The following TTBK1 variants were observed in gnomAD, a reference collection of about 807,000 sequenced individuals.
The protein encoded by TTBK1 is tau tubulin kinase 1, also known as tau-tubulin kinase 1.
A neutral mutation model predicts 108.5 loss-of-function variants in TTBK1; 34 were observed. The ratio of observed to expected loss-of-function variants is 0.31; its 90% CI spans 0.24 to 0.42. The LOEUF is 0.42. Ranked by LOEUF, TTBK1 falls within the 10% of genes least tolerant of loss-of-function variation. The probability of loss-of-function intolerance (pLI) is 1.00; values close to 1 mark genes in which losing one functional copy is unlikely to be tolerated. For missense variants in TTBK1, 1,539 were observed against 1,826.0 expected (o/e 0.84, Z 2.86); for synonymous variants, 809 against 795.1 (o/e 1.02, Z -0.29).
rs1778384059 is a variant in TTBK1 at position 43,286,422 on chromosome 6, C to T, written c.*1046C>T. The T allele has an allele frequency of 6.6e-6, 1 of 152,574 alleles. No individual in the cohort carries two copies. Among genetic ancestry groups the T allele is most frequent in the Non-Finnish European group, 1.5e-5 (1 of 68,052 alleles). The allele number at this position is 152,574 out of a possible 1,614,324, so 9.5% of individuals were successfully genotyped here. On this transcript the variant is annotated 3_prime_UTR_variant, in exon 15 of 15. Transcript: ENST00000259750. This position sits in a 1 kb window ranked among gnomAD's most constrained non-coding sequence, Gnocchi z 4.6. The stretch of plus-strand genomic sequence containing the variant: ...GGCTGGTTACCATCTTTGCACTGGC[C>T]CTTCGGAGATTCGGGGACTCAGTTC...
At position 43,263,210 on chromosome 6, in the gene TTBK1, C is replaced by G. The variant is rs1317231420; in HGVS notation, c.1846C>G (p.Leu616Val). The G allele has an allele frequency of 1.9e-6, 3 of 1,579,912 alleles. No homozygotes were observed. The highest frequency in any genetic ancestry group is 3.4e-4 in the Middle Eastern group (2 of 5,838). Residue 616 changes from leucine (L) to valine (V), a missense_variant, in exon 13 of 15, where the codon CTG becomes GTG. Transcript: ENST00000259750. This position sits in a 1 kb window ranked among gnomAD's most constrained non-coding sequence, Gnocchi z 4.7. ...EDLQHLPPQP[L>V]PPQLSQGDGR... ...CCTGCAGCATTTGCCGCCCCAGCCC[C>G]TGCCACCCCAGCTGAGCCAGGGCGA...
rs1777302869 is a variant in TTBK1 at position 43,253,465 on chromosome 6, G to A, written c.330+101G>A. On this transcript the variant is annotated intron_variant, in intron 4 of 14. Coordinates refer to ENST00000259750, the MANE Select transcript of TTBK1 (RefSeq NM_032538.3). This position sits in a 1 kb window ranked among gnomAD's most constrained non-coding sequence, Gnocchi z 5.8. The stretch of plus-strand genomic sequence containing the variant: ...TAGACTGTGGCCCTGGGAAAGGGCA[G>A]TGGGCACAACCCTTTGGGGTGAGGC... 1 of 1,597,714 alleles carries A rather than the reference G, an allele frequency of 6.3e-7. No individual in the cohort carries two copies. Among genetic ancestry groups the A allele is most frequent in the Non-Finnish European group, 8.5e-7 (1 of 1,170,246 alleles).
At chr6:43,246,358 T>C (rs1412677603) in intron 1 of TTBK1, among the ~76,000 whole-genome samples, 1 of 152,232 alleles carries the variant, frequency 6.6e-6, no homozygotes, top group African/African-American at 2.4e-5. Context: ...CCTCGGCCTG[T>C]TCACTGTCAT....
Position 43,244,401 on chromosome 6 carries a change from G to C in TTBK1, c.-55+693G>C, listed in dbSNP as rs573298972. Among the ~76,000 whole-genome samples, 10 of 152,280 alleles carry C rather than the reference G, an allele frequency of 6.6e-5. No homozygotes were observed. The East Asian group carries it at 1.9e-3, about 29-fold the overall frequency. The stretch of plus-strand genomic sequence containing the variant: ...TCCCACCAGTTCCACGTACCCCTGT[G>C]TACCATCACTGGCCCCACATGCTCC... On this transcript the variant is annotated intron_variant, in intron 1 of 14. Transcript: ENST00000259750.
Position 43,287,444 on chromosome 6 carries a change from A to C in TTBK1, c.*2068A>C, listed in dbSNP as rs1314814637. The C allele has an allele frequency of 1.3e-5, 2 of 152,666 alleles. No individual in the cohort carries two copies. The highest frequency in any genetic ancestry group is 2.9e-5 in the Non-Finnish European group (2 of 68,134). The allele number at this position is 152,666 out of a possible 1,614,324, so 9.5% of individuals were successfully genotyped here. ...AACAACACCCTGGTTTGGAGCTGGG[A>C]GGAAGAAGGGGGCCTGAGAGAGCCC... On this transcript the variant is annotated 3_prime_UTR_variant, in exon 15 of 15. Transcript: ENST00000259750. The surrounding 1 kb of genome is among the most constrained non-coding windows in gnomAD (Gnocchi z 4.1).
chr6:43,270,193 G>T, intron 13 of TTBK1: 1 of 1,330,888 alleles, frequency 7.5e-7, no homozygotes, highest in Non-Finnish European at 9.5e-7. Flanking sequence ...TGCAGGGAGG[G>T]GTGGGGCTGG....
intron 10 of TTBK1, among the ~76,000 whole-genome samples, chr6:43,258,549 C>T (rs1436573923): frequency 2.0e-5 from 3 of 151,888 alleles, no homozygotes; most frequent in East Asian, 1.9e-4. Context: ...CAGTTCCATA[C>T]AGACATTGCT....
chr6:43,244,708 G>C (rs781551403), intron 1 of TTBK1, among the ~76,000 whole-genome samples: 3 of 152,150 alleles, frequency 2.0e-5, no homozygotes, highest in Non-Finnish European at 4.4e-5. Context: ...TAAAATGAGA[G>C]CAGGACACAA....
intron 6 of TTBK1, 82 bp from the exon 7 acceptor site, chr6:43,254,967 G>T: frequency 7.3e-7 from 1 of 1,373,828 alleles, no homozygotes; most frequent in Non-Finnish European, 1.0e-6. Flanking sequence ...TCAGGGTGAA[G>T]AGTTAGACTT....
At chr6:43,248,189 G>A (rs1268531458) in intron 2 of TTBK1, 1 of 152,342 alleles carries the variant, frequency 6.6e-6, no homozygotes, top group Non-Finnish European at 1.5e-5. Flanking sequence ...TAGAAGATGA[G>A]TGGGGAGCGA....
At chr6:43,272,274 T>G (rs960404603) in intron 13 of TTBK1, 16 of 985,498 alleles carry the variant, frequency 1.6e-5, no homozygotes, top group Non-Finnish European at 1.7e-5. Context: ...AGGGTTCCAC[T>G]ACTCAACCCT....
chr6:43,255,063 C>T lies in TTBK1; in HGVS notation c.591C>T (p.Ala197=), dbSNP rs143845122. The change falls in exon 7 of 15, where the codon GCC becomes GCT. Residue 197 remains alanine, a synonymous_variant. Coordinates refer to ENST00000259750, the MANE Select transcript of TTBK1 (RefSeq NM_032538.3). ...CCCTTCTGCAGCCTCGGAATGTGGC[C>T]GGGTTTCGAGGAACGGTTCGCTATG... The part of the protein sequence containing the change: ...TGDVRPPRNV[A]GFRGTVRYAS... 8 of 1,612,392 alleles carry T rather than the reference C, an allele frequency of 5.0e-6. No individual in the cohort carries two copies. The highest frequency in any genetic ancestry group is 2.7e-5 in the African/African-American group (2 of 74,420).
At chr6:43,246,471 C>T (rs2150678821) in intron 1 of TTBK1, 136 bp from the exon 2 acceptor site, 1 of 509,746 alleles carries the variant, frequency 2.0e-6, no homozygotes, top group Middle Eastern at 5.2e-4. Context: ...TACAATCTTT[C>T]CCCTGGTAAC....
rs56852135 is a variant in TTBK1 at position 43,278,560 on chromosome 6, T to A, written c.1987-4167T>A. Among the ~76,000 whole-genome samples, 258 of 152,272 alleles carry A rather than the reference T, an allele frequency of 1.7e-3. 2 individuals carry two copies. The highest frequency in any genetic ancestry group is 5.7e-3 in the African/African-American group (237 of 41,566). On this transcript the variant is annotated intron_variant, in intron 13 of 14. Transcript: ENST00000259750. ...TTTTAAAAAGCAACTCTGGACAATG[T>A]TGTGCCAAGCCAGGCCTGGGAACCA... is the stretch of plus-strand genomic sequence containing the variant.
At chr6:43,271,118 AG>A (rs1777822849) in intron 13 of TTBK1, 2 of 985,396 alleles carry the variant, frequency 2.0e-6, no homozygotes, top group South Asian at 4.7e-5. Flanking sequence ...CATGTCAGCC[AG>A]CACCTCTGTT....
chr6:43,282,945 GGAGGAGGAGGAGGAAGAT>G lies in TTBK1; in HGVS notation c.2211_2228del (p.Asp741_Glu746del). ...CTCAGGCTAATGGGAAGGAGGAAGAGGAGGAGGAGGAGGAAGATGAGGAAGAGGAAGAAGAGGATGAGG... is the reference window on the plus strand; with the variant it reads ...CTCAGGCTAATGGGAAGGAGGAAGAGGAGGAAGAGGAAGAAGAGGATGAGG... On this transcript the variant is annotated inframe_deletion, in exon 14 of 15. Transcript: ENST00000259750. This position sits in a 1 kb window ranked among gnomAD's most constrained non-coding sequence, Gnocchi z 5.4. The G allele has an allele frequency of 6.5e-7, 1 of 1,546,140 alleles. No individual in the cohort carries two copies. Among genetic ancestry groups the G allele is most frequent in the East Asian group, 2.3e-5 (1 of 44,088 alleles).
intron 9 of TTBK1, among the ~76,000 whole-genome samples, chr6:43,256,177 C>T (rs1777376548): frequency 6.6e-6 from 1 of 151,460 alleles, no homozygotes; most frequent in South Asian, 2.1e-4. Context: ...GCTCTGTCAC[C>T]CAGGCTGGAG....
intron 14 of TTBK1, 89 bp downstream of exon 14, chr6:43,284,401 T>TTCTCCAG (rs2150717735): frequency 7.6e-6 from 11 of 1,445,582 alleles, no homozygotes; most frequent in Admixed American, 2.7e-5. Context: ...GGTCAGGGGC[T>TTCTCCAG]ATGGAAGATC....
chr6:43,285,469 C>T lies in TTBK1; in HGVS notation c.*93C>T. ...GAGCAGCTCCCAGCACAGCCTTACGCGCCCGACGCGCGCCACCCGCGGCCC... is the reference window on the plus strand; with the variant it reads ...GAGCAGCTCCCAGCACAGCCTTACGTGCCCGACGCGCGCCACCCGCGGCCC... On this transcript the variant is annotated 3_prime_UTR_variant, in exon 15 of 15. Transcript: ENST00000259750. The surrounding 1 kb of genome is among the most constrained non-coding windows in gnomAD (Gnocchi z 4.7). 8.2e-7 allele frequency: 1 copy of T among 1,224,320 alleles called. No individual in the cohort carries two copies. The highest frequency in any genetic ancestry group is 1.0e-6 in the Non-Finnish European group (1 of 983,278). 75.8% of individuals were successfully genotyped at this position (1,224,320 alleles called of 1,614,324 possible). A position where few individuals can be genotyped will look rare whatever the true frequency, so the allele number is the denominator to read the frequency against.
Sources: allele counts gnomAD v4.1 joint callset (sites outside exome capture counted in the v4.1 genomes callset), GRCh38; gene constraint gnomAD v4.1.1; non-coding constraint Gnocchi (gnomAD v3.1); transcripts MANE v1.5; gene names NCBI Gene and HGNC (gene_info 2026-07-23, HGNC 2026-07-21).